Variants in ACSM2A observed in about 807,000 individuals in gnomAD.
ACSM2A encodes acyl-CoA synthetase medium chain family member 2A, also known as acyl-coenzyme A synthetase ACSM2A, mitochondrial.
ACSM2A carries 72 observed loss-of-function variants against 76.6 expected under a neutral mutation model. The observed-to-expected ratio is 0.94, with a 90% CI of 0.78 to 1.14. The LOEUF is 1.14. ACSM2A is among the 50% of genes most tolerant of loss of function. The pLI is 0.00. For missense variants in ACSM2A, 684 were observed against 708.5 expected, an observed-to-expected ratio of 0.97 and a Z score of 0.39; for synonymous variants, 249 against 255.9, an observed-to-expected ratio of 0.97 and a Z score of 0.26.
chr16:20,471,338 T>C (rs1286580357), intron 5 of ACSM2A, 122 bp downstream of exon 5: 22 of 1,512,174 alleles, frequency 1.5e-5, no homozygotes, highest in Admixed American at 2.0e-5. Context: ...ATTCATCTCC[T>C]GTTGATACAG....
intron 1 of ACSM2A, among the ~76,000 whole-genome samples, chr16:20,458,026 C>T (rs2012300171): frequency 6.6e-6 from 1 of 151,752 alleles, no homozygotes; most frequent in Admixed American, 6.6e-5. Flanking sequence ...TTAATAGCAA[C>T]CAAGCTGAGA....
chr16:20,470,989 A>G (rs1429833604), intron 4 of ACSM2A, 84 bp from the exon 5 acceptor site: 2 of 1,578,846 alleles, frequency 1.3e-6, no homozygotes, highest in African/African-American at 2.7e-5. Flanking sequence ...TTTTCAGCAC[A>G]GTGGGTGGTG....
At chr16:20,472,564 C>T (rs1377732908) in intron 6 of ACSM2A, among the ~76,000 whole-genome samples, 1 of 151,930 alleles carries the variant, frequency 6.6e-6, no homozygotes, top group East Asian at 1.9e-4. Flanking sequence ...TATCAGACAC[C>T]CCTGTAAACA....
chr16:20,463,839 A>T (rs970798677), intron 2 of ACSM2A, among the ~76,000 whole-genome samples: 29 of 152,174 alleles, frequency 1.9e-4, no homozygotes, highest in Admixed American at 5.9e-4. Flanking sequence ...TATATGTCAG[A>T]ATTTCCTTCC....
chr16:20,467,555 C>T (rs1449525894), intron 3 of ACSM2A, among the ~76,000 whole-genome samples: 1 of 151,944 alleles, frequency 6.6e-6, no homozygotes, highest in Non-Finnish European at 1.5e-5. Flanking sequence ...ATTTAACAGG[C>T]AATTGGGGGG....
In ACSM2A at chr16:20,475,855, C is replaced by T. The variant is rs199759251; in HGVS notation, c.1098+82C>T. ...CTTTGACAATAAAAATTGTTAGCCACCATGTATCATTCATCTATTCGAGAA... is the reference window on the plus strand; with the variant it reads ...CTTTGACAATAAAAATTGTTAGCCATCATGTATCATTCATCTATTCGAGAA... On this transcript the variant is annotated intron_variant, in intron 8 of 13. Coordinates refer to ENST00000573854, the MANE Select transcript of ACSM2A (RefSeq NM_001308172.2). 8.1e-5 allele frequency: 129 copies of T among 1,592,114 alleles called. 1 individual carries two copies. The highest frequency in any genetic ancestry group is 1.4e-4 in the Admixed American group (8 of 56,426).
intron 1 of ACSM2A, among the ~76,000 whole-genome samples, chr16:20,457,271 C>T (rs533927036): frequency 1.3e-5 from 2 of 152,078 alleles, no homozygotes; most frequent in African/African-American, 2.4e-5. Flanking sequence ...CCTATCGACG[C>T]TATTCCACAA....
intron 4 of ACSM2A, among the ~76,000 whole-genome samples, 166 bp downstream of exon 4, chr16:20,469,885 T>TGG (rs2013278320): frequency 6.7e-6 from 1 of 150,198 alleles, no homozygotes; most frequent in African/African-American, 2.5e-5. Flanking sequence ...TTTTTTTTTT[T>TGG]TTTTTTTTTT....
chr16:20,470,624 A>G (rs1445241210), intron 4 of ACSM2A, among the ~76,000 whole-genome samples: 1 of 152,222 alleles, frequency 6.6e-6, no homozygotes, highest in African/African-American at 2.4e-5. Flanking sequence ...AGGTGCTTCC[A>G]GGGAATAGAA....
intron 3 of ACSM2A, among the ~76,000 whole-genome samples, chr16:20,466,795 G>C (rs1326851182): frequency 6.6e-6 from 1 of 152,090 alleles, no homozygotes; most frequent in Non-Finnish European, 1.5e-5. Flanking sequence ...CCAGACTTAG[G>C]GTTTACCATA....
chr16:20,477,339 G>A (rs753613737), intron 8 of ACSM2A, 30 bp from the exon 9 acceptor site: 67 of 1,583,658 alleles, frequency 4.2e-5, no homozygotes, highest in Middle Eastern at 1.7e-4. Flanking sequence ...TCCTCCTGAG[G>A]TTTGCTGATC....
chr16:20,476,620 G>T (rs1014980377), intron 8 of ACSM2A: 1 of 985,494 alleles, frequency 1.0e-6, no homozygotes, highest in Non-Finnish European at 1.2e-6. Context: ...GGACACTCAG[G>T]TTCCCATGAT....
intron 1 of ACSM2A, among the ~76,000 whole-genome samples, chr16:20,456,540 T>C (rs1278433840): frequency 6.6e-6 from 1 of 151,956 alleles, no homozygotes; most frequent in Non-Finnish European, 1.5e-5. Flanking sequence ...AATAACCTGT[T>C]CCTGAATGAT....
chr16:20,457,954 T>A (rs1010335700), intron 1 of ACSM2A, among the ~76,000 whole-genome samples: 1 of 151,946 alleles, frequency 6.6e-6, no homozygotes, highest in Non-Finnish European at 1.5e-5. Flanking sequence ...AACTAATAAA[T>A]GAATTCAGCA....
At chr16:20,474,840 G>A (rs1184373714) in intron 6 of ACSM2A, among the ~76,000 whole-genome samples, 3 of 152,188 alleles carry the variant, frequency 2.0e-5, no homozygotes, top group Non-Finnish European at 2.9e-5. Context: ...TCAGTACTAG[G>A]TCTTTTTGCA....
Position 20,469,640 on chromosome 16 carries a change from G to A in ACSM2A, c.517G>A (p.Glu173Lys). 1 of 1,613,890 alleles carries A rather than the reference G, an allele frequency of 6.2e-7. No individual in the cohort carries two copies. Among genetic ancestry groups the A allele is most frequent in the Non-Finnish European group, 8.5e-7 (1 of 1,179,834 alleles). The change falls in exon 4 of 14, where the codon GAA becomes AAA. Residue 173 changes from glutamate to lysine, a missense_variant. Physicochemically the swap from Glu to Lys is moderately conservative, Grantham distance 56. Around this residue, in one of 3 missense-constraint regions of ACSM2A, gnomAD observed 519 missense variants for 549.5 expected, o/e 0.94. Transcript: ENST00000573854. ...VIQEVDTVAS[E>K]CPSLRIKLLV... The stretch of plus-strand genomic sequence containing the variant: ...CCAAGAAGTGGACACAGTGGCATCT[G>A]AATGTCCTTCTCTGAGAATTAAGCT...
At chr16:20,474,070 T>A in intron 6 of ACSM2A, 1 of 449,764 alleles carries the variant, frequency 2.2e-6, no homozygotes, top group South Asian at 1.6e-5. Flanking sequence ...ATGTATTTTT[T>A]AAATGTGTTT....
chr16:20,458,932 A>ATG (rs1491482058), intron 1 of ACSM2A, among the ~76,000 whole-genome samples: 602 of 56,924 alleles, frequency 0.011, 7 homozygotes, highest in African/African-American at 0.065. Context: ...ATATATATAT[A>ATG]CATATATATA....
intron 13 of ACSM2A, among the ~76,000 whole-genome samples, chr16:20,485,744 C>T (rs2014348911): frequency 6.6e-6 from 1 of 152,162 alleles, no homozygotes; most frequent in Non-Finnish European, 1.5e-5. Flanking sequence ...CTTATATCAG[C>T]CACTAAGAAG....
Sources: gnomAD v4.1 joint callset for allele counts (sites outside exome capture counted in the v4.1 genomes callset) on GRCh38, gnomAD v4.1.1 for gene constraint, gnomAD v4.1.1 regional missense constraint, MANE v1.5 for transcripts, NCBI Gene and HGNC (gene_info 2026-07-23, HGNC 2026-07-21) for gene names.